The following RNF216 variants were observed in gnomAD, a reference collection of about 807,000 sequenced individuals.
RNF216 encodes the protein ring finger protein 216.
A neutral mutation model predicts 110.8 loss-of-function variants in RNF216; 72 were observed. The ratio of observed to expected loss-of-function variants is 0.65; its 90% confidence interval spans 0.54 to 0.79. The LOEUF is 0.79. RNF216 is among the 30% of genes least tolerant of loss of function. RNF216 has a pLI of 0.00. For missense variants in RNF216, 1,342 were observed against 1,141.2 expected (o/e 1.18, Z -2.54); for synonymous variants, 495 against 407.5 (o/e 1.21, Z -2.59).
rs1470327757 is a variant in RNF216 at position 5,660,943 on chromosome 7, G to GTTTTTTTTTGTTTTTTTTTTTTTTT, written c.2062-8434_2062-8433insAAAAAAAAAAAAAAACAAAAAAAAA. On this transcript the variant is annotated intron_variant, in intron 13 of 16. Coordinates refer to ENST00000389902, the MANE Select transcript of RNF216 (RefSeq NM_207111.4). ...TAGCTCCATGCTCCTGAAGCCTTAG[G>GTTTTTTTTTGTTTTTTTTTTTTTTT]TTTTTTTTTTTTTTTTTTTTTTTTT... Among the ~76,000 whole-genome samples, 20 of 90,168 alleles carry GTTTTTTTTTGTTTTTTTTTTTTTTT rather than the reference G, an allele frequency of 2.2e-4. 1 individual carries two copies. The highest frequency in any genetic ancestry group is 9.9e-4 in the African/African-American group (18 of 18,248). 59.2% of individuals were successfully genotyped at this position (90,168 alleles called of 152,430 possible). A position where few individuals can be genotyped will look rare whatever the true frequency, so the allele number is the denominator to read the frequency against.
intron 4 of RNF216, chr7:5,739,631 C>G: frequency 1.9e-6 from 1 of 526,452 alleles, no homozygotes; most frequent in Non-Finnish European, 3.7e-6. Context: ...TCTGTCTAGA[C>G]AAAGGGAATC....
At chr7:5,707,291 T>C (rs1195787262) in intron 13 of RNF216, among the ~76,000 whole-genome samples, 1 of 152,252 alleles carries the variant, frequency 6.6e-6, no homozygotes, top group East Asian at 1.9e-4. Flanking sequence ...CATTTATTTA[T>C]GTCTTCTTTA....
Position 5,620,926 on chromosome 7 carries a change from C to A in RNF216, c.*1934G>T, listed in dbSNP as rs1006148145. ...CCCAGAGATCCTCCCTGGGGAAGCA[C>A]AGGGAGCATATTTAAGGTACCGAAG... On this transcript the variant is annotated 3_prime_UTR_variant, in exon 17 of 17. Transcript: ENST00000389902. 1.3e-5 allele frequency: 2 copies of A among 152,228 alleles called. No individual in the cohort carries two copies. The highest frequency in any genetic ancestry group is 4.8e-5 in the African/African-American group (2 of 41,450). 9.4% of individuals were successfully genotyped at this position (152,228 alleles called of 1,614,324 possible). A position where few individuals can be genotyped will look rare whatever the true frequency, so the allele number is the denominator to read the frequency against.
intron 15 of RNF216, among the ~76,000 whole-genome samples, chr7:5,640,611 T>C (rs1007722848): frequency 2.6e-5 from 4 of 152,262 alleles, no homozygotes; most frequent in Non-Finnish European, 4.4e-5. Context: ...ATATTTGATT[T>C]GATTTCTTAA....
At chr7:5,626,736 C>T (rs1251066240) in intron 15 of RNF216, among the ~76,000 whole-genome samples, 2 of 152,040 alleles carry the variant, frequency 1.3e-5, no homozygotes, top group Non-Finnish European at 2.9e-5. Flanking sequence ...CGTGGGCCTA[C>T]ACCTCTTAGC....
chr7:5,760,906 C>G (rs2128670690), intron 2 of RNF216, 97 bp downstream of exon 2: 1 of 964,198 alleles, frequency 1.0e-6, no homozygotes, highest in Non-Finnish European at 1.6e-6. Context: ...TCCCTGGATT[C>G]TAAATGGTAC....
intron 15 of RNF216, among the ~76,000 whole-genome samples, chr7:5,626,021 G>C (rs1186351811): frequency 2.0e-5 from 3 of 152,226 alleles, no homozygotes; most frequent in Non-Finnish European, 4.4e-5. Context: ...CGTGTTCTGA[G>C]CAAGGCATGA....
At chr7:5,778,339 G>A (rs937324221) in intron 1 of RNF216, among the ~76,000 whole-genome samples, 2 of 152,018 alleles carry the variant, frequency 1.3e-5, no homozygotes, top group African/African-American at 4.8e-5. Context: ...TTCATTGTTC[G>A]GTTCTTTGCT....
At chr7:5,759,159 A>T (rs1023081449) in intron 2 of RNF216, among the ~76,000 whole-genome samples, 1 of 152,182 alleles carries the variant, frequency 6.6e-6, no homozygotes, top group Non-Finnish European at 1.5e-5. Flanking sequence ...ATGTGAGACA[A>T]GCGTGCTTCC....
intron 15 of RNF216, among the ~76,000 whole-genome samples, chr7:5,640,838 A>T (rs1787691798): frequency 6.6e-6 from 1 of 152,236 alleles, no homozygotes; most frequent in Admixed American, 6.5e-5. Context: ...CTTTGGAATC[A>T]GCGTTATGCT....
At chr7:5,720,073 T>G (rs1793320455) in intron 9 of RNF216, among the ~76,000 whole-genome samples, 1 of 152,216 alleles carries the variant, frequency 6.6e-6, no homozygotes. Flanking sequence ...AAACAATGAT[T>G]GTGACGATGG....
chr7:5,665,659 A>G (rs1789462405), intron 13 of RNF216, among the ~76,000 whole-genome samples: 1 of 152,120 alleles, frequency 6.6e-6, no homozygotes, highest in African/African-American at 2.4e-5. Flanking sequence ...TATGGGGACC[A>G]GGGCTTCGAG....
Position 5,756,383 on chromosome 7 carries a change from G to C in RNF216, c.68-3404C>G, listed in dbSNP as rs777859989. The stretch of plus-strand genomic sequence containing the variant: ...CATGCTACAATGGTATAGCTGAATA[G>C]TTGCAACAGAAACCATATGGCCCGC... On this transcript the variant is annotated intron_variant, in intron 2 of 16. Transcript: ENST00000389902. Among the ~76,000 whole-genome samples the C allele has an allele frequency of 8.5e-5, 13 of 152,306 alleles. No homozygotes were observed. In the South Asian group the frequency reaches 1.0e-3, roughly 12 times the overall value.
At chr7:5,718,814 G>A (rs1220949071) in intron 9 of RNF216, among the ~76,000 whole-genome samples, 3 of 152,056 alleles carry the variant, frequency 2.0e-5, no homozygotes, top group African/African-American at 7.2e-5. Context: ...TCCAAAGCAT[G>A]TAATCATGCT....
chr7:5,721,869 T>C (rs953003363), intron 8 of RNF216, among the ~76,000 whole-genome samples: 1 of 152,240 alleles, frequency 6.6e-6, no homozygotes. Context: ...ATAACAAATA[T>C]TAGACACGTA....
chr7:5,654,457 C>T (rs190254824), intron 13 of RNF216, among the ~76,000 whole-genome samples: 1 of 151,914 alleles, frequency 6.6e-6, no homozygotes, highest in East Asian at 1.9e-4. Context: ...GAGGCCAAGG[C>T]AGGCAAATCA....
chr7:5,757,145 A>G (rs1795685610), intron 2 of RNF216, among the ~76,000 whole-genome samples: 1 of 152,156 alleles, frequency 6.6e-6, no homozygotes, highest in Admixed American at 6.5e-5. Context: ...CCAATCTTCT[A>G]TATTCATACA....
chr7:5,692,658 C>A (rs919703045), intron 13 of RNF216, among the ~76,000 whole-genome samples: 109 of 152,296 alleles, frequency 7.2e-4, no homozygotes, highest in African/African-American at 2.6e-3. Context: ...TCGCCTCCAG[C>A]CCGAGGCAAG....
intron 8 of RNF216, among the ~76,000 whole-genome samples, chr7:5,724,943 T>C (rs1361695739): frequency 2.0e-5 from 3 of 152,216 alleles, no homozygotes; most frequent in African/African-American, 7.2e-5. Context: ...GTTGCATAAG[T>C]GACCCTCTGC....
Sources: gnomAD v4.1 joint callset for allele counts (sites outside exome capture counted in the v4.1 genomes callset) on GRCh38, gnomAD v4.1.1 for gene constraint, MANE v1.5 for transcripts, NCBI Gene and HGNC (gene_info 2026-07-23, HGNC 2026-07-21) for gene names.